Variants in SEMA3D observed in about 807,000 individuals in gnomAD.
SEMA3D encodes semaphorin 3D.
In SEMA3D, 84 loss-of-function variants were observed where a neutral mutation model predicts 100.1. The observed-to-expected ratio is 0.84, with a 90% CI of 0.70 to 1.01. The LOEUF (loss-of-function observed/expected upper bound fraction) is 1.01, where lower values mean the gene tolerates loss of function less well. SEMA3D is among the 50% of genes least tolerant of loss of function. The probability of loss-of-function intolerance (pLI) is 0.00; values close to 1 mark genes in which losing one functional copy is unlikely to be tolerated. For missense variants in SEMA3D, 875 were observed against 934.1 expected (o/e 0.94, Z 0.82); for synonymous variants, 312 against 320.7 (o/e 0.97, Z 0.29).
intron 16 of SEMA3D, 107 bp downstream of exon 16, chr7:85,014,952 G>T: frequency 2.7e-6 from 2 of 753,082 alleles, no homozygotes; most frequent in Non-Finnish European, 4.2e-6. Context: ...CATAGGACAT[G>T]TTAGTAATAT....
intron 2 of SEMA3D, chr7:85,142,997 T>A (rs1292994335): frequency 6.2e-6 from 6 of 975,320 alleles, no homozygotes; most frequent in Non-Finnish European, 7.3e-6. Context: ...CTTACTAAAC[T>A]TTTTTATCTT....
chr7:85,027,896 A>T, intron 12 of SEMA3D: 1 of 577,646 alleles, frequency 1.7e-6, no homozygotes, highest in South Asian at 1.5e-5. Flanking sequence ...TTTTCCAGCA[A>T]GGAAAAGTAG....
At chr7:85,142,693 T>A (rs952276989) in intron 2 of SEMA3D, 2 of 853,308 alleles carry the variant, frequency 2.3e-6, no homozygotes, top group African/African-American at 2.1e-5. Flanking sequence ...TTTTTTTTTT[T>A]AGTGTCTAAA....
At chr7:85,234,255 C>T in the SEMA3D span, among the ~76,000 whole-genome samples, 8 of 152,194 alleles carry the variant, frequency 5.3e-5, no homozygotes, top group Non-Finnish European at 1.2e-4. Context: ...TATCTGTTAT[C>T]TTTGTAGTGT....
chr7:85,157,965 G>T (rs1790644875), intron 1 of SEMA3D, among the ~76,000 whole-genome samples: 1 of 152,064 alleles, frequency 6.6e-6, no homozygotes, highest in Non-Finnish European at 1.5e-5. Flanking sequence ...AGATTTCATG[G>T]ACATTTATCA....
chr7:85,164,677 T>C (rs1054209666), intron 1 of SEMA3D, among the ~76,000 whole-genome samples: 1 of 152,118 alleles, frequency 6.6e-6, no homozygotes, highest in African/African-American at 2.4e-5. Flanking sequence ...AGACTGAATG[T>C]CAGCCACTTT....
chr7:85,053,288 A>C (rs1458087903), intron 9 of SEMA3D, among the ~76,000 whole-genome samples: 1 of 152,020 alleles, frequency 6.6e-6, no homozygotes, highest in Non-Finnish European at 1.5e-5. Context: ...GTTGCTTCTT[A>C]GATCTTTACT....
At chr7:85,068,873 G>A (rs79393928) in intron 6 of SEMA3D, among the ~76,000 whole-genome samples, 3,551 of 152,170 alleles carry the variant, frequency 0.023, 138 homozygotes, top group African/African-American at 0.08. Context: ...CGAAAACACT[G>A]TACACATTAA....
At chr7:85,007,817 C>G in intron 17 of SEMA3D, among the ~76,000 whole-genome samples, 1 of 151,752 alleles carries the variant, frequency 6.6e-6, no homozygotes, top group East Asian at 1.9e-4. Flanking sequence ...CTATAGACAT[C>G]AACTAGAGTA....
chr7:85,142,363 AATTT>A (rs1790076736), intron 2 of SEMA3D: 1 of 921,354 alleles, frequency 1.1e-6, no homozygotes, highest in Non-Finnish European at 1.3e-6. Context: ...TTAAAATCAA[AATTT>A]ATTTCTCTAG....
intron 4 of SEMA3D, among the ~76,000 whole-genome samples, chr7:85,090,077 C>T (rs1183418581): frequency 6.6e-6 from 1 of 152,160 alleles, no homozygotes; most frequent in African/African-American, 2.4e-5. Context: ...TTCAACACCT[C>T]TAATCCATGA....
intron 3 of SEMA3D, among the ~76,000 whole-genome samples, chr7:85,102,321 A>G (rs1019629618): frequency 3.3e-5 from 5 of 151,950 alleles, no homozygotes; most frequent in Non-Finnish European, 7.4e-5. Context: ...CTGCACTTCT[A>G]CTATGTCTCC....
rs140717261 is a variant in SEMA3D, at chr7:85,015,541, A to G, written c.1546-325T>C. 3.9e-3 allele frequency among the ~76,000 whole-genome samples: 595 copies of G among 151,970 alleles called. 5 individuals are homozygous for G. The highest frequency in any genetic ancestry group is 0.014 in the African/African-American group (573 of 41,528). On this transcript the variant is annotated intron_variant, in intron 15 of 18. Coordinates refer to ENST00000284136, the MANE Select transcript of SEMA3D (RefSeq NM_001384900.1). ...ACTAGAAAATGTACTTTGAGAGATT[A>G]TGTCCAGCACAGATGCTATAGGCAA...
intron 4 of SEMA3D, among the ~76,000 whole-genome samples, chr7:85,097,142 G>A (rs1300298023): frequency 6.6e-6 from 1 of 151,758 alleles, no homozygotes; most frequent in Admixed American, 6.6e-5. Context: ...TCTAAAGTGT[G>A]GCACCCTTTC....
the SEMA3D span, among the ~76,000 whole-genome samples, chr7:85,239,366 G>T: frequency 1.3e-5 from 2 of 152,142 alleles, no homozygotes; most frequent in African/African-American, 2.4e-5. Context: ...CCACTGCCAC[G>T]TGAGGAAACA....
chr7:85,186,500 ACT>A (rs1791556812), intron 1 of SEMA3D, among the ~76,000 whole-genome samples, 176 bp downstream of exon 1: 1 of 151,386 alleles, frequency 6.6e-6, no homozygotes, highest in African/African-American at 2.4e-5. Flanking sequence ...GATTTCGCCC[ACT>A]CTCTGTCCGC....
the SEMA3D span, among the ~76,000 whole-genome samples, chr7:85,207,641 A>G: frequency 1.6e-3 from 239 of 152,162 alleles, no homozygotes; most frequent in African/African-American, 5.5e-3. Context: ...CTGTTGCCAT[A>G]TATCTAGATT....
the SEMA3D span, among the ~76,000 whole-genome samples, chr7:85,223,467 T>C: frequency 6.6e-6 from 1 of 151,844 alleles, no homozygotes; most frequent in Non-Finnish European, 1.5e-5. Flanking sequence ...TGCAAAAATA[T>C]GGAACTAGCT....
chr7:85,151,507 T>C, intron 2 of SEMA3D: 2 of 437,756 alleles, frequency 4.6e-6, no homozygotes, highest in Non-Finnish European at 3.0e-6. Context: ...AACTAGGGAG[T>C]TCTTAATCAG....
Sources: allele counts gnomAD v4.1 joint callset (sites outside exome capture counted in the v4.1 genomes callset), GRCh38; gene constraint gnomAD v4.1.1; transcripts MANE v1.5; gene names NCBI Gene and HGNC (gene_info 2026-07-23, HGNC 2026-07-21).